AFF2: variants seen among roughly 807,000 people sequenced by gnomAD.
The protein encoded by AFF2 is ALF transcription elongation factor 2, also known as AF4/FMR2 family member 2.
Under a neutral mutation model 76.9 loss-of-function variants are expected in AFF2, and 14 were observed. That is an observed-to-expected ratio of 0.18 (90% CI 0.12 to 0.28). The LOEUF is 0.28. Among genes scored for constraint, AFF2 ranks in the 10% least tolerant of loss-of-function variants. The pLI is 1.00. For synonymous variants in AFF2, 398 were observed against 366.7 expected (o/e 1.09, Z -0.98); for missense variants, 868 against 1,001.1 (o/e 0.87, Z 1.79).
chrX:148,510,709 A>T (rs2052473610), intron 1 of AFF2, among the ~76,000 whole-genome samples: 2 of 112,057 alleles, frequency 1.8e-5, no homozygotes. Flanking sequence ...AAAAACCTGA[A>T]CCTAATTCAA....
intron 3 of AFF2, among the ~76,000 whole-genome samples, chrX:148,805,847 C>T (rs200678946): frequency 4.4e-5 from 5 of 112,552 alleles, no homozygotes; most frequent in East Asian, 5.6e-4. Context: ...CCCTGGCCCT[C>T]AGAGGACCAC....
chrX:148,861,898 A>G (rs1275197858), intron 7 of AFF2, among the ~76,000 whole-genome samples: 1 of 111,191 alleles, frequency 9.0e-6, no homozygotes, highest in Non-Finnish European at 1.9e-5. Flanking sequence ...TATTGATAAT[A>G]TGGAGGGTGT....
At chrX:148,581,064 T>TATATACACAC (rs2053358045) in intron 1 of AFF2, among the ~76,000 whole-genome samples, 1 of 99,625 alleles carries the variant, frequency 1.0e-5, no homozygotes, top group Non-Finnish European at 2.1e-5. Flanking sequence ...TGTGTATATG[T>TATATACACAC]ATATATACAC....
chrX:148,917,486 G>A (rs1461649082), intron 9 of AFF2, among the ~76,000 whole-genome samples: 1 of 112,540 alleles, frequency 8.9e-6, no homozygotes, highest in Non-Finnish European at 1.9e-5. Context: ...CTGCAGGATT[G>A]GACACACAGC....
chrX:148,956,843 T>C (rs1569557666), intron 11 of AFF2, among the ~76,000 whole-genome samples: 1 of 113,190 alleles, frequency 8.8e-6, no homozygotes, highest in East Asian at 2.8e-4. Flanking sequence ...TGAGGGCTTA[T>C]GATGTGTAGG....
chrX:148,526,706 T>C (rs1412182412), intron 1 of AFF2, among the ~76,000 whole-genome samples: 1 of 111,497 alleles, frequency 9.0e-6, no homozygotes, highest in African/African-American at 3.3e-5. Flanking sequence ...TACATGCACA[T>C]ACACATACAT....
intron 7 of AFF2, among the ~76,000 whole-genome samples, chrX:148,880,784 C>A (rs556553271): frequency 9.0e-6 from 1 of 111,626 alleles, no homozygotes; most frequent in South Asian, 3.8e-4. Context: ...GTTCTGTCTC[C>A]AACATCATTA....
At chrX:148,618,333 TAC>T (rs1467944122) in intron 1 of AFF2, among the ~76,000 whole-genome samples, 11 of 111,188 alleles carry the variant, frequency 9.9e-5, no homozygotes, top group African/African-American at 3.6e-4. Flanking sequence ...TCAGGAAACA[TAC>T]AGTCATGGTG....
intron 3 of AFF2, among the ~76,000 whole-genome samples, chrX:148,669,929 G>A: frequency 9.0e-6 from 1 of 111,690 alleles, no homozygotes; most frequent in Non-Finnish European, 1.9e-5. Flanking sequence ...TAGCTGTGTG[G>A]AATCTAGAAA....
intron 3 of AFF2, among the ~76,000 whole-genome samples, chrX:148,716,062 G>A (rs1258911310): frequency 1.8e-5 from 2 of 111,094 alleles, no homozygotes; most frequent in East Asian, 5.7e-4. Context: ...TTTTGCATAG[G>A]TGCATTTTAC....
In AFF2 at chrX:148,998,695, GA is replaced by G. The variant is rs1209356282; in HGVS notation, c.*7370del. On this transcript the variant is annotated 3_prime_UTR_variant, in exon 21 of 21. Transcript: ENST00000370460. ...ATGTTTCTGTAACCATTATAAATAT[GA>G]AAAAAACCTCTTCAAAAAATTTCCC... The G allele has an allele frequency of 1.8e-5, 2 of 110,707 alleles. No individual in the cohort carries two copies. The highest frequency in any genetic ancestry group is 3.3e-5 in the African/African-American group (1 of 30,411). The allele number at this position is 110,707 out of a possible 1,213,427, so 9.1% of individuals were successfully genotyped here. A position where few individuals can be genotyped will look rare whatever the true frequency, so the allele number is the denominator to read the frequency against.
intron 1 of AFF2, among the ~76,000 whole-genome samples, chrX:148,552,063 C>T (rs1228734248): frequency 8.9e-6 from 1 of 112,800 alleles, no homozygotes; most frequent in Non-Finnish European, 1.9e-5. Context: ...GTCTTTACTA[C>T]TCTCCTGGGA....
intron 3 of AFF2, among the ~76,000 whole-genome samples, chrX:148,701,012 A>AGAGAGAGTGTGTG (rs782232655): frequency 1.4e-5 from 1 of 73,743 alleles, no homozygotes; most frequent in African/African-American, 5.8e-5. Context: ...GAGAGAGAGA[A>AGAGAGAGTGTGTG]TGTGTGTGTG....
chrX:148,940,421 A>G (rs782260097), intron 9 of AFF2, among the ~76,000 whole-genome samples: 1 of 112,229 alleles, frequency 8.9e-6, no homozygotes, highest in East Asian at 2.8e-4. Flanking sequence ...CACAAATGTA[A>G]TCTGCTTAAC....
intron 1 of AFF2, among the ~76,000 whole-genome samples, chrX:148,644,634 C>G (rs1329249924): frequency 8.9e-6 from 1 of 112,079 alleles, no homozygotes; most frequent in Non-Finnish European, 1.9e-5. Context: ...CAACATATAC[C>G]AGCAATGTAT....
intron 12 of AFF2, among the ~76,000 whole-genome samples, chrX:148,959,080 GCCT>G (rs1297582822): frequency 9.1e-6 from 1 of 109,400 alleles, no homozygotes; most frequent in Non-Finnish European, 1.9e-5. Context: ...CATCTCTCTG[GCCT>G]CCTCAAACAT....
At chrX:148,963,931 T>G (rs1314649624) in intron 13 of AFF2, among the ~76,000 whole-genome samples, 1 of 112,132 alleles carries the variant, frequency 8.9e-6, no homozygotes, top group Admixed American at 9.5e-5. Context: ...TCATAACAAT[T>G]TGTAGATGAT....
chrX:148,535,510 T>G (rs1484315771), intron 1 of AFF2, among the ~76,000 whole-genome samples: 1 of 112,570 alleles, frequency 8.9e-6, no homozygotes, highest in Non-Finnish European at 1.9e-5. Context: ...CAGAAAGACT[T>G]CCAGAAAGGC....
At chrX:148,509,175 C>T (rs1025751022) in intron 1 of AFF2, among the ~76,000 whole-genome samples, 1 of 111,797 alleles carries the variant, frequency 8.9e-6, no homozygotes, top group Non-Finnish European at 1.9e-5. Context: ...TAGGGAAATA[C>T]TATGACATGG....
Sources: gnomAD v4.1 joint callset for allele counts (sites outside exome capture counted in the v4.1 genomes callset) on GRCh38, gnomAD v4.1.1 for gene constraint, MANE v1.5 for transcripts, NCBI Gene and HGNC (gene_info 2026-07-23, HGNC 2026-07-21) for gene names.